SDK1: variants seen among roughly 807,000 people sequenced by gnomAD.
The protein encoded by SDK1 is sidekick cell adhesion molecule 1.
SDK1 carries 157 observed loss-of-function variants against 245.5 expected under a neutral mutation model. That is an observed-to-expected ratio of 0.64 (90% CI 0.56 to 0.73). The LOEUF is 0.73. SDK1 is among the 30% of genes least tolerant of loss of function. The pLI, the probability that SDK1 is intolerant of heterozygous loss-of-function variation, is 0.00. For missense variants in SDK1, 3,583 were observed against 3,002.3 expected (o/e 1.19, Z -4.52); for synonymous variants, 1,647 against 1,278.5 (o/e 1.29, Z -6.15).
intron 1 of SDK1, among the ~76,000 whole-genome samples, chr7:3,572,694 C>T (rs971881075): frequency 3.3e-5 from 5 of 151,922 alleles, no homozygotes; most frequent in Non-Finnish European, 7.4e-5. Context: ...ATGTAACAGG[C>T]GTGATACTAG....
chr7:3,722,447 C>T (rs1778844465), intron 4 of SDK1, among the ~76,000 whole-genome samples: 1 of 152,136 alleles, frequency 6.6e-6, no homozygotes, highest in South Asian at 2.1e-4. Flanking sequence ...ATCAGGGAAG[C>T]TTGCAGGGCT....
At chr7:3,548,105 T>A (rs1002441435) in intron 1 of SDK1, among the ~76,000 whole-genome samples, 1 of 152,188 alleles carries the variant, frequency 6.6e-6, no homozygotes, top group African/African-American at 2.4e-5. Context: ...CTATGTACTA[T>A]AAGTTTCCCA....
intron 1 of SDK1, among the ~76,000 whole-genome samples, chr7:3,448,315 T>C (rs1780408950): frequency 6.6e-6 from 1 of 152,178 alleles, no homozygotes; most frequent in Admixed American, 6.5e-5. Flanking sequence ...CTTGTGTGAA[T>C]TTCTGCTCAT....
chr7:3,340,311 C>G (rs922746566), intron 1 of SDK1, among the ~76,000 whole-genome samples: 25 of 152,088 alleles, frequency 1.6e-4, no homozygotes, highest in African/African-American at 5.3e-4. Context: ...TACATTTACT[C>G]TATGAAGTGC....
intron 4 of SDK1, among the ~76,000 whole-genome samples, chr7:3,712,082 A>C (rs1785066078): frequency 6.6e-6 from 1 of 152,120 alleles, no homozygotes. Context: ...AGAGGTCCGC[A>C]ACCCTTGGGT....
intron 1 of SDK1, among the ~76,000 whole-genome samples, chr7:3,446,247 G>GA (rs538732595): frequency 3.8e-4 from 58 of 152,172 alleles, no homozygotes; most frequent in African/African-American, 1.4e-3. Flanking sequence ...CTGTAACCTT[G>GA]AAACCCTCTA....
At chr7:3,524,949 ATGTCTCAGGT>A (rs1783071040) in intron 1 of SDK1, among the ~76,000 whole-genome samples, 1 of 152,206 alleles carries the variant, frequency 6.6e-6, no homozygotes, top group African/African-American at 2.4e-5. Flanking sequence ...TGACCTCCCC[ATGTCTCAGGT>A]TCCACATGCA....
chr7:3,370,976 A>C (rs1212481722), intron 1 of SDK1, among the ~76,000 whole-genome samples: 3 of 152,082 alleles, frequency 2.0e-5, no homozygotes, highest in African/African-American at 7.2e-5. Flanking sequence ...AGGCAGAGGG[A>C]GGTGCTAAGG....
chr7:3,319,034 G>C (rs572991457), intron 1 of SDK1, among the ~76,000 whole-genome samples: 3 of 152,134 alleles, frequency 2.0e-5, no homozygotes, highest in South Asian at 2.1e-4. Context: ...CATTCATGAG[G>C]GGGGAGTAGG....
At chr7:3,336,925 G>A (rs1182771873) in intron 1 of SDK1, among the ~76,000 whole-genome samples, 1 of 152,146 alleles carries the variant, frequency 6.6e-6, no homozygotes, top group East Asian at 1.9e-4. Context: ...ACTCATCCCT[G>A]GTATTAATGC....
intron 1 of SDK1, among the ~76,000 whole-genome samples, chr7:3,414,937 C>T (rs73034779): frequency 0.11 from 16,407 of 152,130 alleles, 1,173 homozygotes; most frequent in African/African-American, 0.19. Flanking sequence ...AAAATATTTC[C>T]GTGCACGGAT....
At chr7:3,613,976 C>T (rs1255997767) in intron 1 of SDK1, among the ~76,000 whole-genome samples, 13 of 152,000 alleles carry the variant, frequency 8.6e-5, no homozygotes, top group Non-Finnish European at 1.3e-4. Flanking sequence ...CCTGTTGGAG[C>T]GTGGAGGATG....
chr7:4,178,535 A>T lies in SDK1; in HGVS notation c.5047A>T (p.Ile1683Phe), dbSNP rs1391074241. ...YEVIMTAYNI[I>F]GESPASAPVE... ...AGTAATAATGACCGCCTATAACATC[A>T]TCGGCGAGAGCCCAGCCAGCGCGCC... Residue 1683 changes from isoleucine to phenylalanine, a missense_variant, in exon 35 of 45, where the codon ATC becomes TTC. Ile to Phe is a conservative substitution (Grantham distance 21, BLOSUM62 0). Coordinates refer to ENST00000404826, the MANE Select transcript of SDK1 (RefSeq NM_152744.4). 6.2e-7 allele frequency: 1 copy of T among 1,613,908 alleles called. No homozygotes were observed. Among genetic ancestry groups the T allele is most frequent in the Non-Finnish European group, 8.5e-7 (1 of 1,180,012 alleles).
chr7:3,662,561 T>C (rs1245573497), intron 4 of SDK1, among the ~76,000 whole-genome samples: 2 of 152,142 alleles, frequency 1.3e-5, no homozygotes, highest in Non-Finnish European at 2.9e-5. Flanking sequence ...AGAAGAAGGG[T>C]GCTGACAAGG....
chr7:3,360,539 A>G (rs1017618176), intron 1 of SDK1, among the ~76,000 whole-genome samples: 1 of 152,164 alleles, frequency 6.6e-6, no homozygotes, highest in Admixed American at 6.5e-5. Flanking sequence ...AGGTTTATTG[A>G]TATTTTCGAT....
At chr7:3,724,683 C>A (rs1056125348) in intron 4 of SDK1, among the ~76,000 whole-genome samples, 3 of 152,132 alleles carry the variant, frequency 2.0e-5, no homozygotes, top group Non-Finnish European at 4.4e-5. Flanking sequence ...TGCTGTCTTC[C>A]ATGAGGTGAT....
chr7:4,001,290 G>A lies in SDK1; in HGVS notation c.2132-9676G>A, dbSNP rs1236329784. On this transcript the variant is annotated intron_variant, in intron 14 of 44. Coordinates refer to ENST00000404826, the MANE Select transcript of SDK1 (RefSeq NM_152744.4). ...CCATTAGGATTGGTCTCCCACCCAA[G>A]ATCGAGTTCCCCAAGCTTCTGGATA... 2.6e-5 allele frequency among the ~76,000 whole-genome samples: 4 copies of A among 152,352 alleles called. No individual in the cohort carries two copies. In the East Asian group the frequency reaches 7.7e-4, roughly 29 times the overall value.
Position 3,421,769 on chromosome 7 carries a change from A to G in SDK1, c.298+119885A>G, listed in dbSNP as rs767157221. 1.1e-4 allele frequency among the ~76,000 whole-genome samples: 17 copies of G among 152,118 alleles called. 1 individual carries two copies. The highest frequency in any genetic ancestry group is 3.3e-4 in the Admixed American group (5 of 15,260). ...AAGTCATAACTCCTCTGATTTAGAG[A>G]TGACATTTAGAGTACTGTAGGTTTA... On this transcript the variant is annotated intron_variant, in intron 1 of 44. Coordinates refer to ENST00000404826, the MANE Select transcript of SDK1 (RefSeq NM_152744.4).
intron 1 of SDK1, among the ~76,000 whole-genome samples, chr7:3,379,833 T>C (rs1781442503): frequency 6.6e-6 from 1 of 152,156 alleles, no homozygotes; most frequent in African/African-American, 2.4e-5. Context: ...TACATGATGC[T>C]CAAACTGAGT....
Sources: allele counts gnomAD v4.1 joint callset (sites outside exome capture counted in the v4.1 genomes callset), GRCh38; gene constraint gnomAD v4.1.1; transcripts MANE v1.5; gene names NCBI Gene and HGNC (gene_info 2026-07-23, HGNC 2026-07-21).